Variants in COLGALT2 observed in about 807,000 individuals in gnomAD.
COLGALT2 encodes the protein collagen beta(1-O)galactosyltransferase 2.
In COLGALT2, 49 loss-of-function variants were observed where a neutral mutation model predicts 73.4. The observed-to-expected ratio is 0.67, with a 90% CI of 0.53 to 0.85. COLGALT2 has a LOEUF of 0.85. COLGALT2 is among the 40% of genes least tolerant of loss of function. The pLI, the probability that COLGALT2 is intolerant of heterozygous loss-of-function variation, is 0.00. For missense variants in COLGALT2, 722 were observed against 790.2 expected, an observed-to-expected ratio of 0.91 and a Z score of 1.03; for synonymous variants, 295 against 307.6, an observed-to-expected ratio of 0.96 and a Z score of 0.43.
chr1:183,930,279 T>C (rs1669812870), exon 12 of COLGALT2: 2 of 456,106 alleles, frequency 4.4e-6, no homozygotes, highest in South Asian at 3.1e-5. Context: ...CAGTGAGGAC[T>C]TGAGAGGAGG....
At chr1:183,932,176 A>G (rs1161404482), downstream of COLGALT2, among the ~76,000 whole-genome samples, 1 of 152,126 alleles carries the variant, frequency 6.6e-6, no homozygotes, top group Admixed American at 6.5e-5. Context: ...AAGAAATGAG[A>G]CACATTATCC....
At chr1:183,930,070 C>T (rs893541619) in exon 12 of COLGALT2, 5 of 356,248 alleles carry the variant, frequency 1.4e-5, no homozygotes, top group Non-Finnish European at 2.2e-5. Flanking sequence ...TAGACCAAAG[C>T]GACACCTGTC....
intron 1 of COLGALT2, among the ~76,000 whole-genome samples, chr1:184,027,976 T>C (rs1356377062): frequency 6.6e-6 from 1 of 152,166 alleles, no homozygotes. Flanking sequence ...AGGAAAGCAG[T>C]GGCGTGGAAG....
chr1:183,964,198 C>G (rs956339072), intron 5 of COLGALT2, 178 bp from the exon 6 acceptor site: 27 of 535,686 alleles, frequency 5.0e-5, no homozygotes, highest in Non-Finnish European at 8.3e-5. Context: ...AAGTAAAACA[C>G]AGCATTGGGG....
At chr1:183,976,353 T>TATAAC (rs1558322218) in intron 2 of COLGALT2, among the ~76,000 whole-genome samples, 1 of 564 alleles carries the variant, frequency 1.8e-3, no homozygotes, top group African/African-American at 0.017. Context: ...ATGTATATAT[T>TATAAC]ATATCATATT....
Position 184,037,218 on chromosome 1 carries a change from T to C in COLGALT2, c.140A>G (p.Glu47Gly), listed in dbSNP as rs747498303. 4.4e-6 allele frequency: 7 copies of C among 1,601,992 alleles called. No homozygotes were observed. The highest frequency in any genetic ancestry group is 6.0e-6 in the Non-Finnish European group (7 of 1,175,934). The change falls in exon 1 of 12, where the codon GAG (glutamate) becomes GGG (glycine). Residue 47 changes from glutamate to glycine, a missense_variant. By Grantham distance (98) the Glu-to-Gly change is moderately conservative. Coordinates refer to ENST00000361927, the MANE Select transcript of COLGALT2 (RefSeq NM_015101.4). ...DDGEEPVVFP[E>G]SPLQSPTVLV... ...CACCGTGGGGCTCTGCAGGGGCGAC[T>C]CCGGGAAAACCACCGGCTCCTCTCC...
chr1:183,969,456 G>A lies in COLGALT2; in HGVS notation c.645C>T (p.Thr215=). 6.2e-7 allele frequency: 1 copy of A among 1,611,630 alleles called. No individual in the cohort carries two copies. The highest frequency in any genetic ancestry group is 8.5e-7 in the Non-Finnish European group (1 of 1,178,882). Residue 215 remains threonine (T), a synonymous_variant, in exon 5 of 12, where the codon ACC becomes ACT. Coordinates refer to ENST00000361927, the MANE Select transcript of COLGALT2 (RefSeq NM_015101.4). ...ATTCTCGAATCTGAACGTAGTCTGGGGTCCTCTTATAGAAGCCCTGTAAAA... is the reference window on the plus strand; with the variant it reads ...ATTCTCGAATCTGAACGTAGTCTGGAGTCCTCTTATAGAAGCCCTGTAAAA... ...GITPKGFYKR[T]PDYVQIREWK...
chr1:183,945,399 A>C (rs777251181), intron 9 of COLGALT2, 33 bp downstream of exon 9: 1 of 1,609,252 alleles, frequency 6.2e-7, no homozygotes, highest in East Asian at 2.2e-5. Flanking sequence ...TCTCCTCATC[A>C]TAAAACTGCA....
At position 183,942,920 on chromosome 1, in the gene COLGALT2, A is replaced by G. The variant is rs554141495; in HGVS notation, c.1397+1276T>C. On this transcript the variant is annotated intron_variant, in intron 10 of 11. Transcript: ENST00000361927. ...TCTAAACCTTAGATTCTCTGGGCTCAGTCTTCTGTGATTATGAGGCTTAAG... is the reference window on the plus strand; with the variant it reads ...TCTAAACCTTAGATTCTCTGGGCTCGGTCTTCTGTGATTATGAGGCTTAAG... Among the ~76,000 whole-genome samples the G allele has an allele frequency of 1.8e-3, 280 of 152,386 alleles. 2 individuals are homozygous for G. Among genetic ancestry groups the G allele is most frequent in the African/African-American group, 6.2e-3 (258 of 41,594 alleles).
At chr1:183,969,217 G>T in intron 5 of COLGALT2, 52 bp downstream of exon 5, 2 of 1,434,934 alleles carry the variant, frequency 1.4e-6, no homozygotes, top group Non-Finnish European at 9.5e-7. Context: ...CAAAGGAGCT[G>T]GTCATTTTGC....
intron 10 of COLGALT2, among the ~76,000 whole-genome samples, chr1:183,943,146 G>A (rs1245056545): frequency 1.3e-5 from 2 of 152,210 alleles, no homozygotes; most frequent in African/African-American, 4.8e-5. Flanking sequence ...ATCTGACAGG[G>A]CATAGGTGTC....
intron 5 of COLGALT2, among the ~76,000 whole-genome samples, chr1:183,966,127 T>A (rs1670864391): frequency 6.6e-6 from 1 of 152,322 alleles, no homozygotes; most frequent in Middle Eastern, 3.4e-3. Flanking sequence ...TGCAGGGGAC[T>A]GTTCATTTCT....
At chr1:183,996,053 T>C (rs1420230906) in intron 1 of COLGALT2, among the ~76,000 whole-genome samples, 1 of 152,220 alleles carries the variant, frequency 6.6e-6, no homozygotes, top group Non-Finnish European at 1.5e-5. Context: ...TTAAATCTTA[T>C]AGTATTCTTT....
At chr1:184,028,639 A>G (rs1649403427) in intron 1 of COLGALT2, among the ~76,000 whole-genome samples, 1 of 152,190 alleles carries the variant, frequency 6.6e-6, no homozygotes, top group African/African-American at 2.4e-5. Flanking sequence ...AATAAAGCCA[A>G]TGTGTGAATG....
In COLGALT2 at chr1:183,937,250, T is replaced by A. The variant is rs1669980886; in HGVS notation, c.*1511A>T. The A allele has an allele frequency of 1.7e-6, 2 of 1,180,434 alleles. No individual in the cohort carries two copies. The highest frequency in any genetic ancestry group is 2.1e-6 in the Non-Finnish European group (2 of 956,000). 73.1% of individuals were successfully genotyped at this position (1,180,434 alleles called of 1,614,324 possible). A position where few individuals can be genotyped will look rare whatever the true frequency, so the allele number is the denominator to read the frequency against. ...TGGCTGCATGGTGCATGGACAGTGA[T>A]GAGGAACGGTGCTGGTATGGGATGC... is the stretch of plus-strand genomic sequence containing the variant. On this transcript the variant is annotated 3_prime_UTR_variant, in exon 12 of 12. Coordinates refer to ENST00000361927, the MANE Select transcript of COLGALT2 (RefSeq NM_015101.4).
At chr1:183,953,280 C>T (rs1670449182) in intron 7 of COLGALT2, among the ~76,000 whole-genome samples, 1 of 152,086 alleles carries the variant, frequency 6.6e-6, no homozygotes, top group African/African-American at 2.4e-5. Flanking sequence ...CTTTTTCTAC[C>T]ATGCTATCTC....
At chr1:184,009,100 A>G (rs1489721684) in intron 1 of COLGALT2, among the ~76,000 whole-genome samples, 2 of 152,224 alleles carry the variant, frequency 1.3e-5, no homozygotes, top group Non-Finnish European at 2.9e-5. Context: ...TCTTAAAGTA[A>G]AAAATAAGAT....
chr1:183,943,775 C>T (rs900438139), intron 10 of COLGALT2, among the ~76,000 whole-genome samples: 16 of 152,206 alleles, frequency 1.1e-4, no homozygotes, highest in Non-Finnish European at 1.9e-4. Flanking sequence ...GCAGAGGCAA[C>T]CTGCTGTCCC....
At chr1:183,975,038 C>T (rs538578865) in intron 3 of COLGALT2, 59 bp downstream of exon 3, 18 of 1,226,170 alleles carry the variant, frequency 1.5e-5, no homozygotes, top group Admixed American at 9.0e-5. Flanking sequence ...AGTTTTTGGA[C>T]GACTGATTTG....
Sources: gnomAD v4.1 joint callset for allele counts (sites outside exome capture counted in the v4.1 genomes callset) on GRCh38, gnomAD v4.1.1 for gene constraint, MANE v1.5 for transcripts, NCBI Gene and HGNC (gene_info 2026-07-23, HGNC 2026-07-21) for gene names.